Variants in GRID1 observed in about 807,000 individuals in gnomAD.
GRID1 encodes glutamate ionotropic receptor delta type subunit 1.
In GRID1, 28 loss-of-function variants were observed where a neutral mutation model predicts 98.0. The ratio of observed to expected loss-of-function variants is 0.29; its 90% CI spans 0.21 to 0.39. GRID1 has a LOEUF of 0.39. GRID1 is among the 10% of genes least tolerant of loss of function. GRID1 has a pLI of 1.00. For synonymous variants in GRID1, 553 were observed against 538.5 expected, an observed-to-expected ratio of 1.03 and a Z score of -0.37; for missense variants, 1,111 against 1,340.5, an observed-to-expected ratio of 0.83 and a Z score of 2.67.
At chr10:85,667,316 C>CAG (rs5786718) in intron 12 of GRID1, among the ~76,000 whole-genome samples, 22,900 of 148,682 alleles carry the variant, frequency 0.15, 2,153 homozygotes, top group Non-Finnish European at 0.22. Flanking sequence ...CACACACACA[C>CAG]AGAGAGAGAG....
In GRID1 at chr10:85,756,616, A is replaced by G. The variant is rs539800891; in HGVS notation, c.1234-27002T>C. ...ATGGAGCCAGATGGAGTGAGACTTCATCACGTTACTTAAAACAGCACTGCA... is the reference window on the plus strand; with the variant it reads ...ATGGAGCCAGATGGAGTGAGACTTCGTCACGTTACTTAAAACAGCACTGCA... On this transcript the variant is annotated intron_variant, in intron 8 of 15. Coordinates refer to ENST00000327946, the MANE Select transcript of GRID1 (RefSeq NM_017551.3). Among the ~76,000 whole-genome samples, 239 of 152,356 alleles carry G rather than the reference A, an allele frequency of 1.6e-3. 2 individuals carry two copies. The highest frequency in any genetic ancestry group is 5.5e-3 in the African/African-American group (229 of 41,584).
chr10:86,073,761 G>A (rs1843838101), intron 4 of GRID1, among the ~76,000 whole-genome samples: 1 of 152,212 alleles, frequency 6.6e-6, no homozygotes, highest in Non-Finnish European at 1.5e-5. Context: ...GGAATCCTCA[G>A]AGCAAGATTA....
At chr10:85,972,302 T>A (rs1257116929) in intron 4 of GRID1, among the ~76,000 whole-genome samples, 1 of 151,732 alleles carries the variant, frequency 6.6e-6, no homozygotes, top group Non-Finnish European at 1.5e-5. Flanking sequence ...AATCTAATGT[T>A]ATTTTTACTT....
chr10:86,281,821 T>A (rs1847361535), intron 2 of GRID1, among the ~76,000 whole-genome samples: 1 of 152,178 alleles, frequency 6.6e-6, no homozygotes. Context: ...CCCAGATGAT[T>A]CTGCTGGGCA....
intron 12 of GRID1, among the ~76,000 whole-genome samples, chr10:85,667,066 G>C (rs762762904): frequency 6.6e-6 from 1 of 152,192 alleles, no homozygotes; most frequent in Non-Finnish European, 1.5e-5. Context: ...GAGGCAGAGA[G>C]GAGCAGACAC....
intron 5 of GRID1, among the ~76,000 whole-genome samples, chr10:85,902,726 GT>G (rs1841406236): frequency 6.6e-6 from 1 of 152,202 alleles, no homozygotes; most frequent in Non-Finnish European, 1.5e-5. Flanking sequence ...ACATCAAACT[GT>G]TTTCTTATCT....
intron 8 of GRID1, among the ~76,000 whole-genome samples, chr10:85,841,606 A>G (rs1287673437): frequency 2.0e-5 from 3 of 152,208 alleles, no homozygotes; most frequent in Admixed American, 6.5e-5. Flanking sequence ...CCTAATATTT[A>G]GTATCTATAA....
chr10:86,080,044 G>A (rs1056510881), intron 4 of GRID1, among the ~76,000 whole-genome samples: 6 of 152,184 alleles, frequency 3.9e-5, no homozygotes, highest in Middle Eastern at 3.4e-3. Context: ...GTTAAGAAAC[G>A]GAGTAAGGGC....
intron 10 of GRID1, 128 bp from the exon 11 acceptor site, chr10:85,724,804 C>T (rs1841744363): frequency 3.1e-6 from 2 of 647,108 alleles, no homozygotes; most frequent in Admixed American, 2.9e-5. Context: ...GAGCTGGCAC[C>T]CTGAGAGTCT....
intron 4 of GRID1, among the ~76,000 whole-genome samples, chr10:86,009,530 C>T (rs561815324): frequency 1.9e-4 from 29 of 152,182 alleles, no homozygotes; most frequent in East Asian, 1.2e-3. Context: ...AGCCAGGCCA[C>T]GCTGTTGAAG....
chr10:85,746,649 G>A (rs561273507), intron 8 of GRID1, among the ~76,000 whole-genome samples: 1 of 152,140 alleles, frequency 6.6e-6, no homozygotes, highest in South Asian at 2.1e-4. Context: ...TAGATGTCCT[G>A]GAAGATAGTT....
chr10:86,281,453 A>G (rs1194897184), intron 2 of GRID1, among the ~76,000 whole-genome samples: 1 of 152,150 alleles, frequency 6.6e-6, no homozygotes, highest in African/African-American at 2.4e-5. Flanking sequence ...AAACTGTAAC[A>G]TTTCTGCTGC....
chr10:85,829,877 C>A (rs1360623982), intron 8 of GRID1, among the ~76,000 whole-genome samples: 2 of 151,860 alleles, frequency 1.3e-5, no homozygotes, highest in Non-Finnish European at 2.9e-5. Context: ...CATACTGATG[C>A]CATGCTACTG....
chr10:85,762,072 C>G (rs1842152554), intron 8 of GRID1, among the ~76,000 whole-genome samples: 1 of 152,162 alleles, frequency 6.6e-6, no homozygotes, highest in Non-Finnish European at 1.5e-5. Context: ...TTGCTCCACC[C>G]ACAGTCGCTG....
rs564253003 is a variant in GRID1, at chr10:85,662,713, A to G, written c.1998-15316T>C. Among the ~76,000 whole-genome samples, 3 of 152,326 alleles carry G rather than the reference A, an allele frequency of 2.0e-5. No homozygotes were observed. The South Asian group carries it at 6.2e-4, about 32-fold the overall frequency. On this transcript the variant is annotated intron_variant, in intron 12 of 15. Transcript: ENST00000327946. Reference sequence around the variant, plus strand: ...CTAATGGGTAATGTGGCCTACCAGAAGAGGGCTGCACTGTGTCGTAGGAAG... The same window carrying G: ...CTAATGGGTAATGTGGCCTACCAGAGGAGGGCTGCACTGTGTCGTAGGAAG...
intron 4 of GRID1, among the ~76,000 whole-genome samples, chr10:86,022,616 G>A (rs1202341206): frequency 6.6e-6 from 1 of 152,124 alleles, no homozygotes; most frequent in Non-Finnish European, 1.5e-5. Flanking sequence ...GGAATGGATG[G>A]TGTCAAAAAT....
At chr10:85,658,121 C>A (rs116448001) in intron 12 of GRID1, among the ~76,000 whole-genome samples, 1 of 152,138 alleles carries the variant, frequency 6.6e-6, no homozygotes, top group Admixed American at 6.5e-5. Context: ...TGTGAAGGTG[C>A]CTTCTTCCCC....
chr10:86,071,549 T>C (rs1292874509), intron 4 of GRID1, among the ~76,000 whole-genome samples: 1 of 152,256 alleles, frequency 6.6e-6, no homozygotes, highest in African/African-American at 2.4e-5. Context: ...ATCCAAGCCA[T>C]TGCCTTTTTC....
chr10:85,846,410 G>A (rs1042733799), intron 8 of GRID1, among the ~76,000 whole-genome samples: 1 of 152,136 alleles, frequency 6.6e-6, no homozygotes, highest in African/African-American at 2.4e-5. Context: ...TATAGTCCCA[G>A]CTACTCGTGG....
Sources: allele counts gnomAD v4.1 joint callset (sites outside exome capture counted in the v4.1 genomes callset), GRCh38; gene constraint gnomAD v4.1.1; transcripts MANE v1.5; gene names NCBI Gene and HGNC (gene_info 2026-07-23, HGNC 2026-07-21).